ACAP2: variants seen among roughly 807,000 people sequenced by gnomAD.
ACAP2 encodes arf-GAP with coiled-coil, ANK repeat and PH domain-containing protein 2.
A neutral mutation model predicts 115.8 loss-of-function variants in ACAP2; 39 were observed. That is an observed-to-expected ratio of 0.34 (90% confidence interval 0.26 to 0.44). The LOEUF (loss-of-function observed/expected upper bound fraction) is 0.44, where lower values mean the gene tolerates loss of function less well. Ranked by LOEUF, ACAP2 falls within the 20% of genes least tolerant of loss-of-function variation. The pLI, the probability that ACAP2 is intolerant of heterozygous loss-of-function variation, is 1.00. For missense variants in ACAP2, 662 were observed against 927.6 expected, an observed-to-expected ratio of 0.71 and a Z score of 3.72; for synonymous variants, 289 against 315.8, an observed-to-expected ratio of 0.92 and a Z score of 0.90.
intron 1 of ACAP2, among the ~76,000 whole-genome samples, chr3:195,398,004 G>C (rs77482372): frequency 6.6e-6 from 1 of 152,126 alleles, no homozygotes; most frequent in African/African-American, 2.4e-5. Flanking sequence ...ACTTCTAGGC[G>C]TGCAAAAGGC....
chr3:195,291,790 A>G lies in ACAP2; in HGVS notation c.1979T>C (p.Leu660Pro). The change falls in exon 20 of 23, where the codon CTC becomes CCC. Residue 660 changes from leucine to proline, a missense_variant. Coordinates refer to ENST00000326793, the MANE Select transcript of ACAP2 (RefSeq NM_012287.6). ...GTTGACATTAGCACCATTCTGTAGG[A>G]GGAACTCACACGTCACCAAAGAGCC... The part of the protein sequence containing the change: ...LGGSLVTCEF[L>P]LQNGANVNQR... 2.5e-6 allele frequency: 4 copies of G among 1,613,730 alleles called. No individual in the cohort carries two copies. Among genetic ancestry groups the G allele is most frequent in the Non-Finnish European group, 3.4e-6 (4 of 1,179,832 alleles).
intron 1 of ACAP2, among the ~76,000 whole-genome samples, chr3:195,423,175 T>G (rs940991738): frequency 6.6e-6 from 1 of 151,878 alleles, no homozygotes; most frequent in African/African-American, 2.4e-5. Context: ...AAAGTACATG[T>G]GAGATGTATT....
intron 4 of ACAP2, chr3:195,355,975 GAT>G: frequency 2.7e-6 from 1 of 372,162 alleles, no homozygotes; most frequent in South Asian, 1.9e-5. Context: ...AGCCTCCACC[GAT>G]TGTCCTCCCT....
In ACAP2 at chr3:195,277,858, G is replaced by C. The variant is rs1032929560; in HGVS notation, c.*1470C>G. The C allele has an allele frequency of 6.6e-6, 1 of 152,190 alleles. No individual in the cohort carries two copies. The highest frequency in any genetic ancestry group is 1.5e-5 in the Non-Finnish European group (1 of 68,052). 9.4% of individuals were successfully genotyped at this position (152,190 alleles called of 1,614,324 possible). On this transcript the variant is annotated 3_prime_UTR_variant, in exon 23 of 23. Coordinates refer to ENST00000326793, the MANE Select transcript of ACAP2 (RefSeq NM_012287.6). The stretch of plus-strand genomic sequence containing the variant: ...GCACTCTGGGAGGCTAAAGCAGGCT[G>C]ATCACCTGAGGTCAGGAGTTCGAGA...
At position 195,381,023 on chromosome 3, in the gene ACAP2, T is replaced by C. The variant is rs1733908375; in HGVS notation, c.271A>G (p.Ile91Val). ...CTGACACTTACTGTGTGAAAATTTA[T>C]CATTTCTTGAAGACTGTCAGAAAAC... ...TKFSDSLQEM[I>V]NFHTILFDQT... The change falls in exon 4 of 23, where the codon ATA becomes GTA. Residue 91 changes from isoleucine to valine, a missense_variant. Transcript: ENST00000326793. The C allele has an allele frequency of 1.3e-6, 2 of 1,599,280 alleles. No individual in the cohort carries two copies. Among genetic ancestry groups the C allele is most frequent in the African/African-American group, 2.7e-5 (2 of 74,040 alleles).
At chr3:195,316,060 T>G (rs1482253191) in intron 10 of ACAP2, among the ~76,000 whole-genome samples, 2 of 152,200 alleles carry the variant, frequency 1.3e-5, no homozygotes, top group Admixed American at 1.3e-4. Context: ...TTCTATGGAT[T>G]TACTGTATTT....
chr3:195,274,997 T>G lies in ACAP2; in HGVS notation c.*4331A>C, dbSNP rs1054680335. The G allele has an allele frequency of 2.0e-5, 3 of 152,646 alleles. No individual in the cohort carries two copies. Among genetic ancestry groups the G allele is most frequent in the African/African-American group, 7.2e-5 (3 of 41,452 alleles). The allele number at this position is 152,646 out of a possible 1,614,324, so 9.5% of individuals were successfully genotyped here. On this transcript the variant is annotated 3_prime_UTR_variant, in exon 23 of 23. Transcript: ENST00000326793. ...TTCACAGGTAGCAAGAAATAGTACATGTAATAAGTCTTTATGACTGGAATG... is the reference window on the plus strand; with the variant it reads ...TTCACAGGTAGCAAGAAATAGTACAGGTAATAAGTCTTTATGACTGGAATG...
At chr3:195,303,640 G>GCA (rs1312709993) in intron 13 of ACAP2, among the ~76,000 whole-genome samples, 1 of 150,914 alleles carries the variant, frequency 6.6e-6, no homozygotes, top group Non-Finnish European at 1.5e-5. Context: ...ATGGTGGTAA[G>GCA]CACCTGTGGT....
intron 4 of ACAP2, among the ~76,000 whole-genome samples, chr3:195,360,866 T>C (rs535184837): frequency 6.6e-6 from 1 of 150,500 alleles, no homozygotes; most frequent in African/African-American, 2.4e-5. Flanking sequence ...ACAGGCCTAA[T>C]GAATATTTAA....
At chr3:195,390,650 C>G (rs771347984) in intron 2 of ACAP2, among the ~76,000 whole-genome samples, 1 of 152,172 alleles carries the variant, frequency 6.6e-6, no homozygotes, top group Non-Finnish European at 1.5e-5. Flanking sequence ...GTGTCTCCAG[C>G]TACTGAATCA....
At chr3:195,366,800 A>C (rs1364528004) in intron 4 of ACAP2, among the ~76,000 whole-genome samples, 1 of 152,196 alleles carries the variant, frequency 6.6e-6, no homozygotes, top group African/African-American at 2.4e-5. Context: ...CATTAAAAGG[A>C]CCACTCTTCA....
chr3:195,371,815 C>T (rs866245425), intron 4 of ACAP2, among the ~76,000 whole-genome samples: 40 of 152,280 alleles, frequency 2.6e-4, no homozygotes, highest in African/African-American at 9.6e-4. Flanking sequence ...GCACACACCA[C>T]CAAGCCCAGC....
chr3:195,369,387 A>T (rs1732967338), intron 4 of ACAP2, among the ~76,000 whole-genome samples: 1 of 152,232 alleles, frequency 6.6e-6, no homozygotes, highest in Admixed American at 6.5e-5. Context: ...CTAGTACTTG[A>T]TAAGTTATTT....
At chr3:195,286,259 T>C (rs994360461) in intron 21 of ACAP2, among the ~76,000 whole-genome samples, 1 of 152,242 alleles carries the variant, frequency 6.6e-6, no homozygotes, top group African/African-American at 2.4e-5. Context: ...TGGCTCACCC[T>C]GAAGTGAGGT....
chr3:195,435,060 T>C (rs1403586574), intron 1 of ACAP2, among the ~76,000 whole-genome samples: 1 of 151,940 alleles, frequency 6.6e-6, no homozygotes, highest in East Asian at 1.9e-4. Context: ...AATTGTTCTC[T>C]TCTCTATTTT....
chr3:195,304,913 G>A (rs12494759), intron 13 of ACAP2, among the ~76,000 whole-genome samples: 3,288 of 152,250 alleles, frequency 0.022, 117 homozygotes, highest in East Asian at 0.1. Flanking sequence ...AGCCTCTAAC[G>A]CAATAGCTCT....
At position 195,383,613 on chromosome 3, in the gene ACAP2, G is replaced by T. The variant is rs116181813; in HGVS notation, c.112-1591C>A. 1.8e-3 allele frequency among the ~76,000 whole-genome samples: 272 copies of T among 150,448 alleles called. 1 individual carries two copies. The highest frequency in any genetic ancestry group is 6.3e-3 in the African/African-American group (258 of 41,120). ...ATCTCAAAGTGGGAAGTCTGAGAAG[G>T]ATGCAAAGCTCAAATACTATGCAAA... is the stretch of plus-strand genomic sequence containing the variant. On this transcript the variant is annotated intron_variant, in intron 2 of 22. Coordinates refer to ENST00000326793, the MANE Select transcript of ACAP2 (RefSeq NM_012287.6).
At chr3:195,294,631 A>ATATAT (rs1175789289) in intron 18 of ACAP2, 88 bp downstream of exon 18, 3 of 228,554 alleles carry the variant, frequency 1.3e-5, no homozygotes, top group African/African-American at 2.5e-5. Context: ...ATATATATAT[A>ATATAT]ATTTTTTTTT....
chr3:195,302,252 T>TAAAG (rs1286436366), intron 13 of ACAP2, 78 bp from the exon 14 acceptor site: 1 of 1,302,128 alleles, frequency 7.7e-7, no homozygotes, highest in Non-Finnish European at 1.1e-6. Context: ...TGCTCCAAAC[T>TAAAG]AAAGCTTCCA....
Sources: allele counts gnomAD v4.1 joint callset (sites outside exome capture counted in the v4.1 genomes callset), GRCh38; gene constraint gnomAD v4.1.1; transcripts MANE v1.5; gene names NCBI Gene and HGNC (gene_info 2026-07-23, HGNC 2026-07-21).